SIM2: variants seen among roughly 807,000 people sequenced by gnomAD.
SIM2 encodes the protein SIM bHLH transcription factor 2.
A neutral mutation model predicts 64.8 loss-of-function variants in SIM2; 28 were observed. That is an observed-to-expected ratio of 0.43 (90% CI 0.32 to 0.59). The LOEUF (loss-of-function observed/expected upper bound fraction) is 0.59, where lower values mean the gene tolerates loss of function less well. SIM2 is among the 20% of genes least tolerant of loss of function. The pLI is 0.07. For synonymous variants in SIM2, 408 were observed against 391.1 expected (o/e 1.04, Z -0.51); for missense variants, 847 against 871.4 (o/e 0.97, Z 0.35).
intron 1 of SIM2, among the ~76,000 whole-genome samples, chr21:36,706,499 C>T (rs1418049472): frequency 2.0e-5 from 3 of 152,226 alleles, no homozygotes; most frequent in African/African-American, 7.2e-5. Flanking sequence ...ACAGACTCTT[C>T]TCACCCCTTA....
Position 36,726,292 on chromosome 21 carries a change from C to T in SIM2, c.717C>T (p.Asp239=). ...SNMFMFRASL[D]LKLIFLDSRV... The stretch of plus-strand genomic sequence containing the variant: ...TGTTCATGTTCAGGGCCAGCCTTGA[C>T]CTGAAGCTGATATTCCTGGATTCCA... Residue 239 remains aspartate, a synonymous_variant, in exon 6 of 11, where the codon GAC becomes GAT. Transcript: ENST00000290399. The surrounding 1 kb of genome is among the most constrained non-coding windows in gnomAD (Gnocchi z 4.5). 1.2e-6 allele frequency: 2 copies of T among 1,613,332 alleles called. No individual in the cohort carries two copies. Among genetic ancestry groups the T allele is most frequent in the Non-Finnish European group, 1.7e-6 (2 of 1,179,902 alleles).
intron 8 of SIM2, 75 bp from the exon 9 acceptor site, chr21:36,743,312 C>T: frequency 1.4e-6 from 2 of 1,397,640 alleles, no homozygotes; most frequent in Non-Finnish European, 2.0e-6. Context: ...ACGCCCTGCC[C>T]AAGGGCTGGG....
rs140786374 is a variant in SIM2 at position 36,744,916 on chromosome 21, C to T, written c.1356C>T (p.His452=). The T allele has an allele frequency of 4.8e-5, 77 of 1,614,262 alleles. No individual in the cohort carries two copies. The highest frequency in any genetic ancestry group is 1.6e-4 in the East Asian group (7 of 44,882). ...ACGGACACTTCCCTCTGGACTCTCA[C>T]GTCTTCAGCAGCAAAAAGCCAATGT... ...YHYGHFPLDS[H]VFSSKKPMLP... The change falls in exon 10 of 11, where the codon CAC becomes CAT. Residue 452 remains histidine, a synonymous_variant. Transcript: ENST00000290399.
intron 6 of SIM2, among the ~76,000 whole-genome samples, chr21:36,730,821 C>T (rs1424281303): frequency 2.6e-5 from 4 of 152,128 alleles, no homozygotes; most frequent in Admixed American, 1.3e-4. Context: ...TTCTCTTAGC[C>T]GGTGGTTTCA....
chr21:36,706,501 C>T (rs898856374), intron 1 of SIM2, among the ~76,000 whole-genome samples: 5 of 152,260 alleles, frequency 3.3e-5, no homozygotes, highest in African/African-American at 1.2e-4. Flanking sequence ...AGACTCTTCT[C>T]ACCCCTTATT....
intron 1 of SIM2, among the ~76,000 whole-genome samples, chr21:36,708,172 C>A (rs2088615595): frequency 6.6e-6 from 1 of 152,180 alleles, no homozygotes; most frequent in African/African-American, 2.4e-5. Flanking sequence ...GGAGGGTCTG[C>A]GGCCAGGCTC....
In SIM2 at chr21:36,733,782, C is replaced by T. The variant is rs562826104; in HGVS notation, c.850+2631C>T. Among the ~76,000 whole-genome samples, 3 of 152,062 alleles carry T rather than the reference C, an allele frequency of 2.0e-5. No homozygotes were observed. The East Asian group carries it at 5.8e-4, about 29-fold the overall frequency. On this transcript the variant is annotated intron_variant, in intron 7 of 10. Transcript: ENST00000290399. The stretch of plus-strand genomic sequence containing the variant: ...TTCACCGTGTTAGCCAGGATGGTCT[C>T]AATCTCCTGACCTCGTGATCCGCCC...
chr21:36,745,165 G>A lies in SIM2; in HGVS notation c.1576+29G>A. The A allele has an allele frequency of 6.3e-7, 1 of 1,593,388 alleles. No individual in the cohort carries two copies. The highest frequency in any genetic ancestry group is 8.6e-7 in the Non-Finnish European group (1 of 1,169,452). ...GGTCAGGTCTGCTCGTGGGGAAGGTGGGAGGACTGCGCACGGCCGGGAGCC... is the reference window on the plus strand; with the variant it reads ...GGTCAGGTCTGCTCGTGGGGAAGGTAGGAGGACTGCGCACGGCCGGGAGCC... On this transcript the variant is annotated intron_variant, in intron 10 of 10. Coordinates refer to ENST00000290399, the MANE Select transcript of SIM2 (RefSeq NM_005069.6). This position sits in a 1 kb window ranked among gnomAD's most constrained non-coding sequence, Gnocchi z 4.8.
rs1470164947 is a variant in SIM2 at position 36,726,578 on chromosome 21, C to A, written c.743+260C>A. Among the ~76,000 whole-genome samples, 3 of 152,158 alleles carry A rather than the reference C, an allele frequency of 2.0e-5. No individual in the cohort carries two copies. Among genetic ancestry groups the A allele is most frequent in the Admixed American group, 6.5e-5 (1 of 15,276 alleles). ...ACTTATTTTATTTACTTATTGATTACTTGTTTTATTTTATTTACTTATTTG... is the reference window on the plus strand; with the variant it reads ...ACTTATTTTATTTACTTATTGATTAATTGTTTTATTTTATTTACTTATTTG... On this transcript the variant is annotated intron_variant, in intron 6 of 10. Coordinates refer to ENST00000290399, the MANE Select transcript of SIM2 (RefSeq NM_005069.6). The surrounding 1 kb of genome is among the most constrained non-coding windows in gnomAD (Gnocchi z 4.5).
At chr21:36,720,041 C>A in intron 4 of SIM2, 112 bp downstream of exon 4, 1 of 737,710 alleles carries the variant, frequency 1.4e-6, no homozygotes, top group Non-Finnish European at 2.4e-6. Flanking sequence ...ATGACTAGGA[C>A]TGCCCAGCCC....
At chr21:36,712,722 TTG>T (rs2088694072) in intron 3 of SIM2, 100 bp downstream of exon 3, 2 of 780,344 alleles carry the variant, frequency 2.6e-6, no homozygotes, top group South Asian at 3.4e-5. Context: ...GTTTAAGTGT[TTG>T]CTTTTGTGTA....
intron 7 of SIM2, among the ~76,000 whole-genome samples, chr21:36,732,171 C>T (rs952622697): frequency 6.6e-6 from 1 of 152,224 alleles, no homozygotes; most frequent in Non-Finnish European, 1.5e-5. Context: ...GCATGAGCCA[C>T]CGCACCCAGC....
intron 4 of SIM2, 74 bp from the exon 5 acceptor site, chr21:36,722,971 A>G: frequency 8.6e-7 from 1 of 1,158,132 alleles, no homozygotes; most frequent in Non-Finnish European, 1.3e-6. Context: ...CTGGGAACAC[A>G]TTGGTGCGGT....
At chr21:36,744,303 C>T (rs1290108656) in intron 9 of SIM2, among the ~76,000 whole-genome samples, 1 of 71,124 alleles carries the variant, frequency 1.4e-5, no homozygotes, top group African/African-American at 6.6e-5. Context: ...ACGGCCTCCA[C>T]ATTATGACAA....
intron 6 of SIM2, among the ~76,000 whole-genome samples, chr21:36,729,231 T>A (rs181607658): frequency 6.6e-6 from 1 of 152,228 alleles, no homozygotes; most frequent in African/African-American, 2.4e-5. Flanking sequence ...ACGGTAGAGA[T>A]GCCTGGTTTT....
chr21:36,746,252 T>G (rs2089226070), intron 10 of SIM2: 1 of 173,900 alleles, frequency 5.8e-6, no homozygotes, highest in South Asian at 1.5e-4. Flanking sequence ...GAGGTGGAGG[T>G]TGCAGTGAGC....
intron 1 of SIM2, among the ~76,000 whole-genome samples, chr21:36,704,060 G>T (rs2088544402): frequency 1.3e-5 from 2 of 152,254 alleles, no homozygotes; most frequent in Admixed American, 1.3e-4. Flanking sequence ...GGGTGAAAGA[G>T]GGAGAAAGAA....
chr21:36,744,311 C>CAAAAA (rs60354140), intron 9 of SIM2, among the ~76,000 whole-genome samples: 2 of 41,716 alleles, frequency 4.8e-5, no homozygotes, highest in African/African-American at 6.3e-5. Flanking sequence ...CACATTATGA[C>CAAAAA]AAAAAAAAAA....
chr21:36,746,126 C>CCAA, intron 10 of SIM2: 1 of 373,296 alleles, frequency 2.7e-6, no homozygotes, highest in East Asian at 9.4e-5. Context: ...GACAAGCCTG[C>CCAA]CAACAAGCTG....
Sources: allele counts gnomAD v4.1 joint callset (sites outside exome capture counted in the v4.1 genomes callset), GRCh38; gene constraint gnomAD v4.1.1; non-coding constraint Gnocchi (gnomAD v3.1); transcripts MANE v1.5; gene names NCBI Gene and HGNC (gene_info 2026-07-23, HGNC 2026-07-21).